GPR161: variants seen among roughly 807,000 people sequenced by gnomAD.
GPR161 encodes G-protein coupled receptor RE2.
A neutral mutation model predicts 39.2 loss-of-function variants in GPR161; 25 were observed. The observed-to-expected ratio is 0.64, with a 90% CI of 0.47 to 0.89. The LOEUF (loss-of-function observed/expected upper bound fraction) is 0.89, where lower values mean the gene tolerates loss of function less well. Ranked by LOEUF, GPR161 falls within the 40% of genes least tolerant of loss-of-function variation. The pLI, the probability that GPR161 is intolerant of heterozygous loss-of-function variation, is 0.00. For synonymous variants in GPR161, 286 were observed against 276.6 expected, an observed-to-expected ratio of 1.03 and a Z score of -0.34; for missense variants, 547 against 677.8, an observed-to-expected ratio of 0.81 and a Z score of 2.14.
intron 4 of GPR161, chr1:168,088,594 A>G (rs1174913694): frequency 6.6e-6 from 1 of 152,228 alleles, no homozygotes; most frequent in African/African-American, 2.4e-5. Context: ...ATGCCTCAGT[A>G]TCTTTCCACG....
intron 1 of GPR161, among the ~76,000 whole-genome samples, chr1:168,110,501 T>G (rs1422074487): frequency 1.1e-4 from 3 of 28,092 alleles, no homozygotes; most frequent in Non-Finnish European, 1.6e-4. Flanking sequence ...CCTGTCAACA[T>G]TAAAAAAGAA....
intron 1 of GPR161, among the ~76,000 whole-genome samples, chr1:168,115,255 C>T (rs1469904245): frequency 9.9e-5 from 15 of 152,090 alleles, no homozygotes; most frequent in Non-Finnish European, 1.0e-4. Context: ...CCTTCCCTCA[C>T]ACTAATTTTG....
Position 168,080,823 on chromosome 1 carries a change from A to ATCTT in GPR161, c.*4704_*4707dup, listed in dbSNP as rs1694012473. On this transcript the variant is annotated 3_prime_UTR_variant, in exon 6 of 6. Coordinates refer to ENST00000682931, the MANE Select transcript of GPR161 (RefSeq NM_001375883.1). ...ATTCCGGACAAATTAGAATGATTTT[A>ATCTT]TCTTTGTACAAACAGGCCAGTAGCA... The ATCTT allele has an allele frequency of 1.3e-5, 2 of 152,316 alleles. No homozygotes were observed. Among genetic ancestry groups the ATCTT allele is most frequent in the South Asian group, 2.1e-4 (1 of 4,824 alleles). 9.4% of individuals were successfully genotyped at this position (152,316 alleles called of 1,614,324 possible). A position where few individuals can be genotyped will look rare whatever the true frequency, so the allele number is the denominator to read the frequency against.
At chr1:168,121,541 A>G (rs1204455641) in intron 1 of GPR161, among the ~76,000 whole-genome samples, 1 of 152,112 alleles carries the variant, frequency 6.6e-6, no homozygotes, top group Non-Finnish European at 1.5e-5. Flanking sequence ...TCAACCTCCT[A>G]GAAAATCCAC....
chr1:168,100,278 T>C (rs1695977503), intron 2 of GPR161, among the ~76,000 whole-genome samples: 1 of 150,208 alleles, frequency 6.7e-6, no homozygotes, highest in African/African-American at 2.5e-5. Flanking sequence ...AATGGGTATA[T>C]GTGTTCTCAA....
intron 1 of GPR161, among the ~76,000 whole-genome samples, chr1:168,129,694 A>G (rs975139442): frequency 6.6e-6 from 1 of 152,224 alleles, no homozygotes; most frequent in African/African-American, 2.4e-5. Flanking sequence ...CTAGTCTATC[A>G]TTTTACAGAT....
At chr1:168,137,297 A>T (rs1699463739), upstream of GPR161, 1 of 1,526,104 alleles carries the variant, frequency 6.6e-7, no homozygotes, top group Admixed American at 2.0e-5. Flanking sequence ...CATCACACAG[A>T]CACTTTCAGA....
intron 1 of GPR161, chr1:168,136,036 C>A: frequency 8.1e-7 from 1 of 1,241,406 alleles, no homozygotes; most frequent in Non-Finnish European, 1.0e-6. Context: ...TCCCATATGC[C>A]TTTGTCCAAA....
chr1:168,104,715 G>C lies in GPR161; in HGVS notation c.136C>G (p.Leu46Val). 7 of 1,614,056 alleles carry C rather than the reference G, an allele frequency of 4.3e-6. No homozygotes were observed. Among genetic ancestry groups the C allele is most frequent in the Non-Finnish European group, 5.9e-6 (7 of 1,179,936 alleles). Residue 46 changes from leucine to valine, a missense_variant, in exon 2 of 6, where the codon CTG (leucine) becomes GTG (valine). Leu to Val is a conservative substitution (Grantham distance 32). Transcript: ENST00000682931. ...TTGTACAAGGTGACCACGATGACCAGGTTTCCCAGGCAGACAAAAATGGTG... is the reference window on the plus strand; with the variant it reads ...TTGTACAAGGTGACCACGATGACCACGTTTCCCAGGCAGACAAAAATGGTG... ...VITIFVCLGN[L>V]VIVVTLYKKS...
Position 168,082,711 on chromosome 1 carries a change from C to A in GPR161, c.*2820G>T, listed in dbSNP as rs1694163143. ...AACGAGTAGCCAAATGTCCCATGTGCCACTGTCCATGTGGTCCCATCAGGA... is the reference window on the plus strand; with the variant it reads ...AACGAGTAGCCAAATGTCCCATGTGACACTGTCCATGTGGTCCCATCAGGA... On this transcript the variant is annotated 3_prime_UTR_variant, in exon 6 of 6. Transcript: ENST00000682931. The A allele has an allele frequency of 1.4e-5, 2 of 145,550 alleles. No homozygotes were observed. The highest frequency in any genetic ancestry group is 4.3e-4 in the South Asian group (2 of 4,614). 9.0% of individuals were successfully genotyped at this position (145,550 alleles called of 1,614,324 possible).
Position 168,096,951 on chromosome 1 carries a change from G to A in GPR161, c.656C>T (p.Ala219Val). The A allele has an allele frequency of 6.2e-7, 1 of 1,614,162 alleles. No individual in the cohort carries two copies. Among genetic ancestry groups the A allele is most frequent in the South Asian group, 1.1e-5 (1 of 91,080 alleles). The change falls in exon 3 of 6, where the codon GCA (alanine) becomes GTA (valine). Residue 219 changes from alanine to valine, a missense_variant. Ala to Val is a moderately conservative substitution (Grantham distance 64, BLOSUM62 0). Coordinates refer to ENST00000682931, the MANE Select transcript of GPR161 (RefSeq NM_001375883.1). Reference protein sequence around the residue: ...GFIFRVARVKARKVHCGTVVI... With the variant: ...GFIFRVARVKVRKVHCGTVVI... ...GACTGTGCCACAGTGCACCTTGCGTGCCTTGACCCTGGCCACGCGGAAGAT... is the reference window on the plus strand; with the variant it reads ...GACTGTGCCACAGTGCACCTTGCGTACCTTGACCCTGGCCACGCGGAAGAT...
intron 5 of GPR161, among the ~76,000 whole-genome samples, chr1:168,086,483 C>A (rs275142): frequency 7.2e-4 from 110 of 152,312 alleles, no homozygotes; most frequent in African/African-American, 2.5e-3. Context: ...AAGTAGGCAA[C>A]CTGTACCCCA....
intron 1 of GPR161, chr1:168,134,903 T>C (rs1699252452): frequency 6.5e-7 from 1 of 1,535,442 alleles, no homozygotes; most frequent in South Asian, 1.2e-5. Flanking sequence ...CACAGAACTG[T>C]ACCTCCTCTT....
intron 5 of GPR161, 39 bp downstream of exon 5, chr1:168,087,546 C>CA (rs1413827062): frequency 2.0e-5 from 32 of 1,611,544 alleles, no homozygotes; most frequent in Non-Finnish European, 2.5e-5. Flanking sequence ...CTTTCCGTTT[C>CA]CCTATGTTTT....
At position 168,085,728 on chromosome 1, in the gene GPR161, T is replaced by C. The variant is rs1295124179; in HGVS notation, c.1393A>G (p.Ser465Gly). Residue 465 changes from serine to glycine, a missense_variant, in exon 6 of 6, where the codon AGC becomes GGC. Ser to Gly is a moderately conservative substitution (Grantham distance 56). Coordinates refer to ENST00000682931, the MANE Select transcript of GPR161 (RefSeq NM_001375883.1). Reference sequence around the variant, plus strand: ...TCGGCCTCAATGGCTTTGGCCAAGCTTGCTGCGTAACTGTCCAAGGACTTG... The same window carrying C: ...TCGGCCTCAATGGCTTTGGCCAAGCCTGCTGCGTAACTGTCCAAGGACTTG... ...VHKSLDSYAA[S>G]LAKAIEAEAK... 3 of 1,614,248 alleles carry C rather than the reference T, an allele frequency of 1.9e-6. No individual in the cohort carries two copies.
At chr1:168,103,557 T>C (rs576745412) in intron 2 of GPR161, among the ~76,000 whole-genome samples, 3 of 152,198 alleles carry the variant, frequency 2.0e-5, no homozygotes, top group Admixed American at 2.0e-4. Flanking sequence ...GTGCTCCCAG[T>C]GGACAGTTCC....
intron 1 of GPR161, among the ~76,000 whole-genome samples, chr1:168,116,973 A>G (rs776497827): frequency 2.6e-4 from 39 of 152,168 alleles, no homozygotes; most frequent in Non-Finnish European, 5.1e-4. Flanking sequence ...GAATTCGCCA[A>G]TGGGAGAGAC....
At chr1:168,095,873 G>A (rs1352411857) in intron 3 of GPR161, among the ~76,000 whole-genome samples, 2 of 152,056 alleles carry the variant, frequency 1.3e-5, no homozygotes, top group African/African-American at 4.8e-5. Flanking sequence ...GGTGGCTCAC[G>A]CTTGTAATCC....
intron 1 of GPR161, among the ~76,000 whole-genome samples, chr1:168,131,891 C>T (rs940978107): frequency 7.2e-5 from 11 of 152,194 alleles, no homozygotes; most frequent in Admixed American, 2.0e-4. Flanking sequence ...AAAAAATTGG[C>T]AAAGAATTTG....
Sources: gnomAD v4.1 joint callset for allele counts (sites outside exome capture counted in the v4.1 genomes callset) on GRCh38, gnomAD v4.1.1 for gene constraint, MANE v1.5 for transcripts, NCBI Gene and HGNC (gene_info 2026-07-23, HGNC 2026-07-21) for gene names.